PHLDB2: variants seen among roughly 807,000 people sequenced by gnomAD.
PHLDB2 encodes the protein pleckstrin homology-like domain family B member 2.
In PHLDB2, 71 loss-of-function variants were observed where a neutral mutation model predicts 123.6. That is an observed-to-expected ratio of 0.57 (90% confidence interval 0.47 to 0.70). PHLDB2 has a LOEUF of 0.70. Among genes scored for constraint, PHLDB2 ranks in the 30% least tolerant of loss-of-function variants. The probability of loss-of-function intolerance (pLI) is 0.00; values close to 1 mark genes in which losing one functional copy is unlikely to be tolerated. For synonymous variants in PHLDB2, 547 were observed against 541.6 expected, an observed-to-expected ratio of 1.01 and a Z score of -0.14; for missense variants, 1,446 against 1,519.5, an observed-to-expected ratio of 0.95 and a Z score of 0.80.
At chr3:111,733,148 A>C (rs573240351) in intron 1 of PHLDB2, among the ~76,000 whole-genome samples, 78 of 152,298 alleles carry the variant, frequency 5.1e-4, no homozygotes, top group African/African-American at 1.8e-3. Context: ...TATACTGTCC[A>C]TTCACAGGGC....
At chr3:111,888,727 C>A (rs1422793625) in intron 2 of PHLDB2, among the ~76,000 whole-genome samples, 1 of 152,166 alleles carries the variant, frequency 6.6e-6, no homozygotes, top group Non-Finnish European at 1.5e-5. Flanking sequence ...TAACAGGGTG[C>A]TTGTCATATA....
chr3:111,922,786 C>T (rs1036504737), intron 5 of PHLDB2, among the ~76,000 whole-genome samples: 1 of 152,202 alleles, frequency 6.6e-6, no homozygotes, highest in African/African-American at 2.4e-5. Flanking sequence ...TGTTCATACT[C>T]CTGGCCAACT....
intron 3 of PHLDB2, among the ~76,000 whole-genome samples, chr3:111,918,758 G>C (rs2068322656): frequency 6.6e-6 from 1 of 152,168 alleles, no homozygotes; most frequent in African/African-American, 2.4e-5. Context: ...TATAACCTTG[G>C]AGAAGTCATC....
intron 1 of PHLDB2, among the ~76,000 whole-genome samples, chr3:111,775,722 C>T (rs1396384553): frequency 1.3e-5 from 2 of 152,008 alleles, no homozygotes; most frequent in Non-Finnish European, 2.9e-5. Flanking sequence ...TAAAGTTTGA[C>T]CCAGAGAATA....
chr3:111,812,269 A>G (rs2061875439), intron 1 of PHLDB2, among the ~76,000 whole-genome samples: 1 of 152,194 alleles, frequency 6.6e-6, no homozygotes, highest in African/African-American at 2.4e-5. Context: ...GTTGATACAA[A>G]TGGAGTTTAA....
In PHLDB2 at chr3:111,884,061, C is replaced by G. The variant is rs2066064227; in HGVS notation, c.-14-3C>G. 1 of 1,590,948 alleles carries G rather than the reference C, an allele frequency of 6.3e-7. No individual in the cohort carries two copies. The highest frequency in any genetic ancestry group is 1.4e-5 in the African/African-American group (1 of 73,476). ...CAAAATTTTCTGTTTTATTTCTTTA[C>G]AGATTCCAGCAAGATTATGGAAGAG... On this transcript the variant is annotated splice_region_variant and splice_polypyrimidine_tract_variant and intron_variant, in intron 1 of 17. Coordinates refer to ENST00000431670, the MANE Select transcript of PHLDB2 (RefSeq NM_001134438.2).
rs139354598 is a variant in PHLDB2, at chr3:111,907,977, T to G, written c.1336-5342T>G. On this transcript the variant is annotated intron_variant, in intron 2 of 17. Coordinates refer to ENST00000431670, the MANE Select transcript of PHLDB2 (RefSeq NM_001134438.2). The stretch of plus-strand genomic sequence containing the variant: ...ACGCCCAGGTAATTTTTGCATTTTT[T>G]GTAGAGATGGGGTTTTGCCATAGTT... Among the ~76,000 whole-genome samples, 15 of 152,216 alleles carry G rather than the reference T, an allele frequency of 9.9e-5. No homozygotes were observed. The East Asian group carries it at 2.9e-3, about 29-fold the overall frequency.
intron 1 of PHLDB2, among the ~76,000 whole-genome samples, chr3:111,876,326 C>A (rs1418572173): frequency 6.6e-6 from 1 of 152,108 alleles, no homozygotes; most frequent in African/African-American, 2.4e-5. Flanking sequence ...TCTAGAGCAA[C>A]TTGGCGGTTA....
intron 1 of PHLDB2, among the ~76,000 whole-genome samples, chr3:111,773,943 C>G (rs1437919321): frequency 6.6e-6 from 1 of 152,180 alleles, no homozygotes; most frequent in Non-Finnish European, 1.5e-5. Flanking sequence ...GCCGTAACAG[C>G]AGGTACCAGG....
chr3:111,754,732 T>C (rs1238281430), intron 1 of PHLDB2, among the ~76,000 whole-genome samples: 1 of 148,196 alleles, frequency 6.7e-6, no homozygotes. Context: ...TTGTGCCAGT[T>C]TTCAAAGGGA....
At chr3:111,857,785 A>AT (rs1230912224), upstream of PHLDB2, among the ~76,000 whole-genome samples, 2 of 152,252 alleles carry the variant, frequency 1.3e-5, no homozygotes, top group Non-Finnish European at 1.5e-5. Flanking sequence ...AATGGCAATC[A>AT]TTAAAAAGTC....
At chr3:111,931,138 T>C (rs2069126975) in intron 5 of PHLDB2, among the ~76,000 whole-genome samples, 2 of 152,206 alleles carry the variant, frequency 1.3e-5, no homozygotes. Context: ...AAGCTAGTTT[T>C]GTTCCTGCCA....
chr3:111,966,530 GT>G lies in PHLDB2; in HGVS notation c.3078-82del, dbSNP rs1242372028. 5.5e-4 allele frequency: 294 copies of G among 533,380 alleles called. 1 individual carries two copies. Among genetic ancestry groups the G allele is most frequent in the East Asian group, 1.7e-3 (33 of 19,522 alleles). The allele number at this position is 533,380 out of a possible 1,614,324, so 33.0% of individuals were successfully genotyped here. A position where few individuals can be genotyped will look rare whatever the true frequency, so the allele number is the denominator to read the frequency against. On this transcript the variant is annotated intron_variant, in intron 13 of 17. Transcript: ENST00000431670. ...GTGTGTGTGTGTGTGTGTCTGGGGT[GT>G]GTGTGTGTGTGTGTGTGTATGTATT...
chr3:111,924,615 G>T (rs1019914345), intron 5 of PHLDB2, among the ~76,000 whole-genome samples: 4 of 151,992 alleles, frequency 2.6e-5, no homozygotes, highest in African/African-American at 9.6e-5. Flanking sequence ...TCCCCTTAGG[G>T]ATCGTGTTTC....
At chr3:111,860,253 C>A (rs2064756709) in intron 1 of PHLDB2, among the ~76,000 whole-genome samples, 1 of 151,792 alleles carries the variant, frequency 6.6e-6, no homozygotes, top group South Asian at 2.1e-4. Flanking sequence ...AGACTCCCTC[C>A]CCGCAAATAT....
intron 1 of PHLDB2, among the ~76,000 whole-genome samples, chr3:111,839,940 C>CTTTTTTTTTTTTTTTTTTTTTTTTTT (rs3082317): frequency 1.5e-5 from 1 of 64,940 alleles, no homozygotes; most frequent in Admixed American, 2.7e-4. Context: ...CCCACCCCCG[C>CTTTTTTTTTTTTTTTTTTTTTTTTTT]TTTTTTTTTT....
chr3:111,932,241 A>G (rs181331181), intron 5 of PHLDB2, 28 bp from the exon 6 acceptor site: 14 of 1,547,824 alleles, frequency 9.0e-6, no homozygotes, highest in Non-Finnish European at 1.2e-5. Context: ...GGTAATTTCT[A>G]TTCTATTTTC....
intron 1 of PHLDB2, among the ~76,000 whole-genome samples, chr3:111,823,425 A>T (rs1170408459): frequency 6.6e-6 from 1 of 152,244 alleles, no homozygotes; most frequent in Non-Finnish European, 1.5e-5. Context: ...GAAGGTATTT[A>T]TCACTGAATT....
At chr3:111,912,070 G>A (rs2067913450) in intron 2 of PHLDB2, among the ~76,000 whole-genome samples, 1 of 152,216 alleles carries the variant, frequency 6.6e-6, no homozygotes, top group South Asian at 2.1e-4. Context: ...TTTCTATGGA[G>A]AGCGTGTGAA....
Sources: allele counts gnomAD v4.1 joint callset (sites outside exome capture counted in the v4.1 genomes callset), GRCh38; gene constraint gnomAD v4.1.1; transcripts MANE v1.5; gene names NCBI Gene and HGNC (gene_info 2026-07-23, HGNC 2026-07-21).